DGKB: variants seen among roughly 807,000 people sequenced by gnomAD.
DGKB encodes diacylglycerol kinase beta, also known as 90 kDa diacylglycerol kinase.
DGKB carries 67 observed loss-of-function variants against 114.3 expected under a neutral mutation model. The observed-to-expected ratio is 0.59, with a 90% confidence interval of 0.48 to 0.72. DGKB has a LOEUF of 0.72. Ranked by LOEUF, DGKB falls within the 30% of genes least tolerant of loss-of-function variation. The probability of loss-of-function intolerance (pLI) is 0.00; values close to 1 mark genes in which losing one functional copy is unlikely to be tolerated. For missense variants in DGKB, 907 were observed against 975.2 expected (o/e 0.93, Z 0.93); for synonymous variants, 398 against 323.1 (o/e 1.23, Z -2.49).
chr7:14,419,232 A>G (rs1356473067), intron 21 of DGKB, among the ~76,000 whole-genome samples: 1 of 152,018 alleles, frequency 6.6e-6, no homozygotes, highest in Non-Finnish European at 1.5e-5. Context: ...AAAGAAAAGG[A>G]GTGAGAAAGT....
At chr7:14,619,740 G>A (rs1295932033) in intron 15 of DGKB, among the ~76,000 whole-genome samples, 1 of 151,690 alleles carries the variant, frequency 6.6e-6, no homozygotes, top group Non-Finnish European at 1.5e-5. Flanking sequence ...CCTTGGGGAA[G>A]TTATCTCACT....
intron 23 of DGKB, among the ~76,000 whole-genome samples, chr7:14,216,608 C>T (rs1014398052): frequency 1.3e-5 from 2 of 151,652 alleles, no homozygotes; most frequent in Non-Finnish European, 1.5e-5. Flanking sequence ...TGCCTGTAAT[C>T]CCAGCTACCC....
rs868119884 is a variant in DGKB at position 14,244,693 on chromosome 7, A to T, written c.2123-66542T>A. Among the ~76,000 whole-genome samples the T allele has an allele frequency of 3.9e-3, 538 of 138,220 alleles. 4 individuals carry two copies. The highest frequency in any genetic ancestry group is 0.014 in the African/African-American group (517 of 37,798). The allele number at this position is 138,220 out of a possible 152,430, so 90.7% of individuals were successfully genotyped here. A position where few individuals can be genotyped will look rare whatever the true frequency, so the allele number is the denominator to read the frequency against. On this transcript the variant is annotated intron_variant, in intron 23 of 25. Transcript: ENST00000402815. ...TCAAAAAAAAAAAAAAAAAAAAAAA[A>T]GGGGTGCCTTTGGGAGTTGATTAGG...
intron 23 of DGKB, among the ~76,000 whole-genome samples, chr7:14,307,530 G>C (rs543802034): frequency 1.7e-4 from 26 of 152,294 alleles, no homozygotes; most frequent in African/African-American, 6.0e-4. Flanking sequence ...GCAAAGAACA[G>C]CTGGGACTTC....
intron 21 of DGKB, among the ~76,000 whole-genome samples, chr7:14,412,293 T>A (rs35075995): frequency 0.15 from 22,290 of 152,176 alleles, 2,002 homozygotes; most frequent in South Asian, 0.24. Flanking sequence ...GGAAGCTAGA[T>A]GTTGTTAGAA....
chr7:14,649,859 A>G (rs1018431723), intron 13 of DGKB, among the ~76,000 whole-genome samples: 1 of 141,242 alleles, frequency 7.1e-6, no homozygotes, highest in African/African-American at 2.8e-5. Flanking sequence ...GTCTCTGATA[A>G]AACAGACTTT....
intron 21 of DGKB, among the ~76,000 whole-genome samples, chr7:14,410,743 T>C (rs1824734865): frequency 6.6e-6 from 1 of 152,046 alleles, no homozygotes. Flanking sequence ...ATCTTTAAGA[T>C]AAAAAGAGCT....
At chr7:14,155,810 G>A (rs945708753) in intron 25 of DGKB, among the ~76,000 whole-genome samples, 1 of 152,064 alleles carries the variant, frequency 6.6e-6, no homozygotes, top group African/African-American at 2.4e-5. Context: ...TTTGGTAGGG[G>A]TGAAAACCAG....
chr7:14,521,391 A>C (rs908447475), intron 20 of DGKB, among the ~76,000 whole-genome samples: 3 of 152,162 alleles, frequency 2.0e-5, no homozygotes, highest in African/African-American at 7.2e-5. Flanking sequence ...AGTTTGACTC[A>C]GCGTATCCTG....
intron 21 of DGKB, among the ~76,000 whole-genome samples, chr7:14,436,883 T>C (rs1171346918): frequency 2.0e-5 from 3 of 152,142 alleles, no homozygotes; most frequent in Non-Finnish European, 2.9e-5. Flanking sequence ...AATATTTTAA[T>C]GAACCCCAGA....
chr7:14,567,342 A>ATT (rs1260821592), intron 20 of DGKB, among the ~76,000 whole-genome samples: 2 of 28,910 alleles, frequency 6.9e-5, no homozygotes, highest in African/African-American at 1.4e-4. Context: ...ATATTTATAT[A>ATT]TTATATATAT....
intron 23 of DGKB, among the ~76,000 whole-genome samples, chr7:14,264,260 CTCT>C (rs1406309322): frequency 1.3e-5 from 2 of 152,132 alleles, no homozygotes; most frequent in African/African-American, 2.4e-5. Flanking sequence ...TAATTCACAG[CTCT>C]TCTTAGGATT....
At chr7:14,280,979 C>G (rs1446821841) in intron 23 of DGKB, among the ~76,000 whole-genome samples, 1 of 151,404 alleles carries the variant, frequency 6.6e-6, no homozygotes, top group South Asian at 2.1e-4. Context: ...CAGCTAACAT[C>G]ATAATGACAG....
At chr7:14,863,838 G>A (rs1353828718) in intron 1 of DGKB, among the ~76,000 whole-genome samples, 16 of 152,078 alleles carry the variant, frequency 1.1e-4, no homozygotes, top group Admixed American at 1.0e-3. Flanking sequence ...GGTGGCTCAT[G>A]TCTCTAATCC....
intron 1 of DGKB, among the ~76,000 whole-genome samples, chr7:14,918,840 G>A (rs1241352562): frequency 6.6e-6 from 1 of 151,932 alleles, no homozygotes; most frequent in African/African-American, 2.4e-5. Flanking sequence ...CGAGGGGGGC[G>A]GATCACGAGG....
At chr7:14,901,186 G>C (rs910347920) in intron 1 of DGKB, among the ~76,000 whole-genome samples, 9 of 152,094 alleles carry the variant, frequency 5.9e-5, no homozygotes, top group African/African-American at 2.2e-4. Flanking sequence ...TTTATACCTG[G>C]AGATCCCCGT....
At chr7:14,171,481 A>C (rs930167206) in intron 25 of DGKB, among the ~76,000 whole-genome samples, 1 of 152,204 alleles carries the variant, frequency 6.6e-6, no homozygotes. Flanking sequence ...ATTTCAAATA[A>C]TTAACAGAAT....
chr7:14,372,374 A>C (rs112848983), intron 21 of DGKB, among the ~76,000 whole-genome samples: 143 of 152,270 alleles, frequency 9.4e-4, no homozygotes, highest in African/African-American at 3.4e-3. Context: ...GGCTGAGGCA[A>C]GCTACCTCTA....
At chr7:14,825,091 A>G (rs1236242676) in intron 2 of DGKB, among the ~76,000 whole-genome samples, 1 of 140,114 alleles carries the variant, frequency 7.1e-6, no homozygotes, top group Non-Finnish European at 1.5e-5. Context: ...TATATAGAGC[A>G]TTAATTTATC....
Sources: allele counts gnomAD v4.1 joint callset (sites outside exome capture counted in the v4.1 genomes callset), GRCh38; gene constraint gnomAD v4.1.1; transcripts MANE v1.5; gene names NCBI Gene and HGNC (gene_info 2026-07-23, HGNC 2026-07-21).